CDH18: variants seen among roughly 807,000 people sequenced by gnomAD.
CDH18 encodes cadherin-18.
Under a neutral mutation model 67.9 loss-of-function variants are expected in CDH18, and 31 were observed. That is an observed-to-expected ratio of 0.46 (90% CI 0.34 to 0.62). The LOEUF (loss-of-function observed/expected upper bound fraction) is 0.62, where lower values mean the gene tolerates loss of function less well. Ranked by LOEUF, CDH18 falls within the 20% of genes least tolerant of loss-of-function variation. The probability of loss-of-function intolerance (pLI) is 0.01; values close to 1 mark genes in which losing one functional copy is unlikely to be tolerated. For missense variants in CDH18, 890 were observed against 975.5 expected (o/e 0.91, Z 1.17); for synonymous variants, 362 against 347.2 (o/e 1.04, Z -0.48).
chr5:20,094,443 C>T (rs534269735), intron 2 of CDH18, among the ~76,000 whole-genome samples: 4 of 152,260 alleles, frequency 2.6e-5, no homozygotes, highest in Admixed American at 2.6e-4. Flanking sequence ...CTTGGCTATA[C>T]AAGCTCTTTT....
At chr5:20,511,886 C>A (rs1456277689) in intron 1 of CDH18, among the ~76,000 whole-genome samples, 1 of 152,006 alleles carries the variant, frequency 6.6e-6, no homozygotes, top group East Asian at 1.9e-4. Flanking sequence ...TACCAATAAG[C>A]AGGTGAAGGT....
intron 10 of CDH18, among the ~76,000 whole-genome samples, chr5:19,504,699 T>C (rs976960084): frequency 6.6e-6 from 1 of 152,138 alleles, no homozygotes; most frequent in African/African-American, 2.4e-5. Context: ...ATGTTACCTC[T>C]TTTTTCCCCT....
intron 2 of CDH18, among the ~76,000 whole-genome samples, chr5:19,949,865 A>T (rs1795620206): frequency 6.6e-6 from 1 of 151,986 alleles, no homozygotes. Flanking sequence ...AGAAGTCATT[A>T]TGTGAAAAAG....
At chr5:19,778,308 T>C (rs1270584013) in intron 3 of CDH18, among the ~76,000 whole-genome samples, 2 of 152,182 alleles carry the variant, frequency 1.3e-5, no homozygotes, top group Non-Finnish European at 2.9e-5. Context: ...GATATCTGCT[T>C]TCACCTCTTG....
chr5:19,804,936 A>G (rs540880460), intron 3 of CDH18, among the ~76,000 whole-genome samples: 29 of 140,580 alleles, frequency 2.1e-4, no homozygotes, highest in African/African-American at 7.2e-4. Context: ...GAAAAAAATC[A>G]TTATTATTAT....
chr5:20,357,005 G>A (rs1476389155), intron 1 of CDH18, among the ~76,000 whole-genome samples: 1 of 151,284 alleles, frequency 6.6e-6, no homozygotes, highest in Non-Finnish European at 1.5e-5. Context: ...CAATATATAT[G>A]CAGTAATAAC....
At chr5:19,902,159 A>G (rs1790010511) in intron 2 of CDH18, among the ~76,000 whole-genome samples, 1 of 152,194 alleles carries the variant, frequency 6.6e-6, no homozygotes, top group Non-Finnish European at 1.5e-5. Flanking sequence ...CAAAACATAT[A>G]GGGAAGCAGT....
At chr5:19,610,377 T>A (rs924193157) in intron 6 of CDH18, among the ~76,000 whole-genome samples, 1 of 152,120 alleles carries the variant, frequency 6.6e-6, no homozygotes. Context: ...TTATTATATA[T>A]CTATATTCAT....
At chr5:19,587,246 G>T (rs1318382210) in intron 7 of CDH18, among the ~76,000 whole-genome samples, 1 of 151,992 alleles carries the variant, frequency 6.6e-6, no homozygotes, top group Non-Finnish European at 1.5e-5. Context: ...TTGTGATTTT[G>T]CAACTAAAAT....
chr5:19,489,654 C>T (rs1579758075), intron 11 of CDH18, among the ~76,000 whole-genome samples: 1 of 152,086 alleles, frequency 6.6e-6, no homozygotes, highest in East Asian at 1.9e-4. Flanking sequence ...TCTTTTTCTG[C>T]AAAGAAGCTG....
chr5:20,242,607 A>ATATATATATAT (rs1185501168), intron 2 of CDH18, among the ~76,000 whole-genome samples: 1 of 88,268 alleles, frequency 1.1e-5, no homozygotes, highest in African/African-American at 6.2e-5. Context: ...AAAAAAAAAA[A>ATATATATATAT]AAAAATATAT....
intron 2 of CDH18, among the ~76,000 whole-genome samples, chr5:19,861,475 GT>G (rs913268872): frequency 1.3e-5 from 2 of 152,102 alleles, no homozygotes; most frequent in African/African-American, 4.8e-5. Context: ...CTTTGCTTTG[GT>G]TTTGTGTGGG....
chr5:20,090,757 C>T (rs1263423645), intron 2 of CDH18, among the ~76,000 whole-genome samples: 5 of 151,972 alleles, frequency 3.3e-5, no homozygotes, highest in South Asian at 2.1e-4. Context: ...TGGCTGGGTG[C>T]GGTGACTCAC....
rs141503271 is a variant in CDH18, at chr5:20,029,395, T to C, written c.-517-37381A>G. 2.6e-3 allele frequency among the ~76,000 whole-genome samples: 402 copies of C among 152,316 alleles called. 1 individual carries two copies. Among genetic ancestry groups the C allele is most frequent in the African/African-American group, 9.2e-3 (381 of 41,584 alleles). Reference sequence around the variant, plus strand: ...AGATGACTATACATTTTTACAATTCTACTGATAAATCTCTTTTCCTTGTAA... The same window carrying C: ...AGATGACTATACATTTTTACAATTCCACTGATAAATCTCTTTTCCTTGTAA... On this transcript the variant is annotated intron_variant, in intron 2 of 14. Transcript: ENST00000507958.
intron 2 of CDH18, among the ~76,000 whole-genome samples, chr5:20,064,935 C>T (rs1742845281): frequency 6.6e-6 from 1 of 151,944 alleles, no homozygotes; most frequent in African/African-American, 2.4e-5. Context: ...GTTTGATATA[C>T]ATTAACTTTA....
At chr5:19,633,142 T>C (rs957902144) in intron 5 of CDH18, among the ~76,000 whole-genome samples, 3 of 152,230 alleles carry the variant, frequency 2.0e-5, no homozygotes, top group African/African-American at 7.2e-5. Context: ...TCTTCTCTAG[T>C]GGATTTACTA....
At chr5:20,037,081 G>A (rs1739941252) in intron 2 of CDH18, among the ~76,000 whole-genome samples, 1 of 152,024 alleles carries the variant, frequency 6.6e-6, no homozygotes, top group Non-Finnish European at 1.5e-5. Flanking sequence ...TTGCAAGTCT[G>A]TGTCTTTTAA....
intron 1 of CDH18, among the ~76,000 whole-genome samples, chr5:20,543,006 G>T (rs1757138289): frequency 6.6e-6 from 1 of 151,748 alleles, no homozygotes; most frequent in Non-Finnish European, 1.5e-5. Context: ...TTTTTGTTTG[G>T]CGTTTCATGG....
In CDH18 at chr5:19,625,529, G is replaced by C. The variant is rs1580565053; in HGVS notation, c.644-12928C>G. Among the ~76,000 whole-genome samples, 4 of 152,000 alleles carry C rather than the reference G, an allele frequency of 2.6e-5. No homozygotes were observed. The South Asian group carries it at 8.3e-4, about 32-fold the overall frequency. ...AAGTCTGAAATCAAGGTGTTGGCAG[G>C]GTTGCTTTCTTCTTGGGGCAGTATG... On this transcript the variant is annotated intron_variant, in intron 5 of 12. Transcript: ENST00000382275.
Sources: allele counts gnomAD v4.1 joint callset (sites outside exome capture counted in the v4.1 genomes callset), GRCh38; gene constraint gnomAD v4.1.1; transcripts MANE v1.5; gene names NCBI Gene and HGNC (gene_info 2026-07-23, HGNC 2026-07-21).